Variants in DCAF8L2 observed in about 807,000 individuals in gnomAD.
DCAF8L2 encodes DDB1- and CUL4-associated factor 8-like protein 2.
For synonymous variants in DCAF8L2, 200 were observed against 190.9 expected (o/e 1.05, Z -0.39); for missense variants, 430 against 490.7 (o/e 0.88, Z 1.17).
the DCAF8L2 span, among the ~76,000 whole-genome samples, chrX:27,546,123 C>T: frequency 8.9e-6 from 1 of 111,903 alleles, no homozygotes; most frequent in Non-Finnish European, 1.9e-5. Flanking sequence ...TGCAGGCATT[C>T]TGGTAAATAC....
At chrX:27,687,340 T>C (rs1461694732) in intron 3 of DCAF8L2, among the ~76,000 whole-genome samples, 1 of 111,934 alleles carries the variant, frequency 8.9e-6, no homozygotes, top group Non-Finnish European at 1.9e-5. Flanking sequence ...GGGGAAAACC[T>C]GTTCAGTGAA....
intron 2 of DCAF8L2, among the ~76,000 whole-genome samples, chrX:27,644,527 C>A (rs1330304560): frequency 3.6e-5 from 4 of 111,108 alleles, no homozygotes; most frequent in Non-Finnish European, 5.7e-5. Context: ...TGTTACAAAT[C>A]ACCGAGATAT....
the DCAF8L2 span, among the ~76,000 whole-genome samples, chrX:27,553,101 T>G: frequency 8.9e-6 from 1 of 112,040 alleles, no homozygotes; most frequent in Admixed American, 9.5e-5. Context: ...TACAGATTTT[T>G]GTATGTTGAT....
chrX:27,490,438 GTGTT>G, the DCAF8L2 span, among the ~76,000 whole-genome samples: 2,397 of 110,430 alleles, frequency 0.022, 84 homozygotes, highest in African/African-American at 0.075. Context: ...TTTTGTTTGT[GTGTT>G]TGTTTGTTTT....
chrX:27,566,060 G>A, the DCAF8L2 span, among the ~76,000 whole-genome samples: 3 of 110,252 alleles, frequency 2.7e-5, no homozygotes, highest in Non-Finnish European at 3.8e-5. Flanking sequence ...TTGCAGATAC[G>A]TTTAGTTCTG....
chrX:27,529,442 C>T, the DCAF8L2 span, among the ~76,000 whole-genome samples: 1 of 111,553 alleles, frequency 9.0e-6, no homozygotes, highest in African/African-American at 3.3e-5. Flanking sequence ...GAACTTACAG[C>T]CCCAAGGAAA....
chrX:27,485,559 C>T, the DCAF8L2 span, among the ~76,000 whole-genome samples: 4 of 111,289 alleles, frequency 3.6e-5, no homozygotes, highest in African/African-American at 1.3e-4. Context: ...TCTCATTATT[C>T]TATAGTATGA....
chrX:27,497,509 T>TTTCCTTCCTTCCTTCCTTCCTTCC, the DCAF8L2 span, among the ~76,000 whole-genome samples: 19 of 46,496 alleles, frequency 4.1e-4, no homozygotes, highest in African/African-American at 1.5e-3. Context: ...TCTTTCTTTC[T>TTTCCTTCCTTCCTTCCTTCCTTCC]TTCCTTCCTT....
At chrX:27,493,706 C>CAAAAAAAAAAAAAAAAAAAAAAA in the DCAF8L2 span, among the ~76,000 whole-genome samples, 7 of 18,321 alleles carry the variant, frequency 3.8e-4, no homozygotes, top group African/African-American at 6.9e-4. Context: ...AACTCCATCT[C>CAAAAAAAAAAAAAAAAAAAAAAA]AAAAAAAAAA....
At chrX:27,704,866 T>C (rs999963929) in intron 3 of DCAF8L2, among the ~76,000 whole-genome samples, 4 of 110,950 alleles carry the variant, frequency 3.6e-5, no homozygotes, top group South Asian at 7.7e-4. Context: ...GTTTGTTATA[T>C]AGGGAAACTG....
At chrX:27,726,644 T>G (rs1303957113) in intron 4 of DCAF8L2, among the ~76,000 whole-genome samples, 1 of 111,589 alleles carries the variant, frequency 9.0e-6, no homozygotes, top group Non-Finnish European at 1.9e-5. Context: ...TTTCCTGTTT[T>G]GGAACACTTT....
Position 27,748,110 on chromosome X carries a change from T to C in DCAF8L2, c.1215T>C (p.Asn405=). The C allele has an allele frequency of 8.3e-7, 1 of 1,211,666 alleles. No homozygotes were observed. The highest frequency in any genetic ancestry group is 3.0e-5 in the East Asian group (1 of 33,822). ...GGAAAATTGATAAGAAAGAAAACAA[T>C]GGCGTGCTCAAGAAATTCACTCCTC... ...DQRKIDKKEN[N]GVLKKFTPHH... Residue 405 remains asparagine (N), a synonymous_variant, in exon 5 of 5, where the codon AAT becomes AAC. Coordinates refer to ENST00000451261, the MANE Select transcript of DCAF8L2 (RefSeq NM_001353450.2).
chrX:27,500,999 T>G, the DCAF8L2 span, among the ~76,000 whole-genome samples: 1 of 111,710 alleles, frequency 9.0e-6, no homozygotes, highest in East Asian at 2.8e-4. Flanking sequence ...AATGTTCATA[T>G]GCCTTTCTCT....
Position 27,644,755 on chromosome X carries a change from T to C in DCAF8L2, c.-220+12755T>C, listed in dbSNP as rs757937779. 1.6e-3 allele frequency among the ~76,000 whole-genome samples: 177 copies of C among 111,783 alleles called. 1 individual carries two copies. The highest frequency in any genetic ancestry group is 6.0e-4 in the Non-Finnish European group (32 of 53,163). ...AAGGAGGGACTCATCCCTAACTCTT[T>C]TTTGTTGTTGTTGTTTTTGAGATGG... On this transcript the variant is annotated intron_variant, in intron 2 of 4. Transcript: ENST00000451261.
At chrX:27,612,066 A>G (rs1388984671) in intron 1 of DCAF8L2, among the ~76,000 whole-genome samples, 2 of 111,657 alleles carry the variant, frequency 1.8e-5, no homozygotes, top group African/African-American at 3.3e-5. Context: ...TCAACAGTGT[A>G]AAAGCGTTCC....
At chrX:27,501,425 C>A in the DCAF8L2 span, among the ~76,000 whole-genome samples, 4 of 110,783 alleles carry the variant, frequency 3.6e-5, no homozygotes, top group Non-Finnish European at 5.7e-5. Context: ...CTTTGCCTTT[C>A]CATCCCTTTC....
the DCAF8L2 span, among the ~76,000 whole-genome samples, chrX:27,514,485 C>T: frequency 1.9e-5 from 2 of 105,812 alleles, no homozygotes; most frequent in South Asian, 4.3e-4. Flanking sequence ...CCGGCTAAAA[C>T]GGTGAAACCC....
At chrX:27,603,548 A>G (rs774879660) in intron 1 of DCAF8L2, among the ~76,000 whole-genome samples, 1 of 112,246 alleles carries the variant, frequency 8.9e-6, no homozygotes, top group South Asian at 3.7e-4. Context: ...CAAAGGGACT[A>G]CGGTTGTATA....
At chrX:27,513,548 T>TA in the DCAF8L2 span, among the ~76,000 whole-genome samples, 2 of 109,521 alleles carry the variant, frequency 1.8e-5, no homozygotes, top group African/African-American at 6.6e-5. Flanking sequence ...CTACTAAAAA[T>TA]AAAAAAATTA....
Sources: gnomAD v4.1 joint callset for allele counts (sites outside exome capture counted in the v4.1 genomes callset) on GRCh38, gnomAD v4.1.1 for gene constraint, MANE v1.5 for transcripts, NCBI Gene and HGNC (gene_info 2026-07-23, HGNC 2026-07-21) for gene names.